Variants in CDH4 observed in about 807,000 individuals in gnomAD.
CDH4 encodes the protein cadherin 4, also known as cadherin-4.
Under a neutral mutation model 86.0 loss-of-function variants are expected in CDH4, and 33 were observed. The observed-to-expected ratio is 0.38, with a 90% CI of 0.29 to 0.51. The LOEUF is 0.51. CDH4 is among the 20% of genes least tolerant of loss of function. The pLI, the probability that CDH4 is intolerant of heterozygous loss-of-function variation, is 0.86. For synonymous variants in CDH4, 555 were observed against 549.4 expected, an observed-to-expected ratio of 1.01 and a Z score of -0.14; for missense variants, 1,114 against 1,307.4, an observed-to-expected ratio of 0.85 and a Z score of 2.28.
intron 4 of CDH4, among the ~76,000 whole-genome samples, chr20:61,825,508 G>A (rs1018725042): frequency 2.0e-5 from 3 of 152,158 alleles, no homozygotes; most frequent in Non-Finnish European, 4.4e-5. Flanking sequence ...GAGCCCTGAC[G>A]AAGGACAAGG....
chr20:61,594,337 G>A (rs1001191537), intron 2 of CDH4, among the ~76,000 whole-genome samples: 1 of 152,056 alleles, frequency 6.6e-6, no homozygotes, highest in South Asian at 2.1e-4. Context: ...CTGACGCCCA[G>A]AGACAGGCCA....
chr20:61,283,542 C>T (rs1303894526), intron 2 of CDH4, among the ~76,000 whole-genome samples: 30 of 116,446 alleles, frequency 2.6e-4, no homozygotes, highest in African/African-American at 7.2e-4. Context: ...CATTTACACG[C>T]GTGTGCTGTG....
Position 61,755,811 on chromosome 20 carries a change from C to T in CDH4, c.396+12022C>T, listed in dbSNP as rs565113930. On this transcript the variant is annotated intron_variant, in intron 3 of 15. Transcript: ENST00000614565. Reference sequence around the variant, plus strand: ...CACACACACCACACATTTACACGTACGCACATTCCACACAGTACACACGTG... The same window carrying T: ...CACACACACCACACATTTACACGTATGCACATTCCACACAGTACACACGTG... Among the ~76,000 whole-genome samples, 164 of 152,292 alleles carry T rather than the reference C, an allele frequency of 1.1e-3. 1 individual carries two copies. The highest frequency in any genetic ancestry group is 3.4e-3 in the African/African-American group (143 of 41,554).
At chr20:61,315,315 G>A (rs1042001921) in intron 2 of CDH4, among the ~76,000 whole-genome samples, 5 of 152,172 alleles carry the variant, frequency 3.3e-5, no homozygotes, top group African/African-American at 1.2e-4. Context: ...CCAGACCGAT[G>A]CCTGGTATCC....
chr20:61,727,708 A>C (rs1050468073), intron 2 of CDH4, among the ~76,000 whole-genome samples: 1 of 152,130 alleles, frequency 6.6e-6, no homozygotes, highest in African/African-American at 2.4e-5. Flanking sequence ...GGAGAGTTGG[A>C]GGTGCCAGGC....
chr20:61,300,541 C>T (rs1452844952), intron 2 of CDH4, among the ~76,000 whole-genome samples: 1 of 152,144 alleles, frequency 6.6e-6, no homozygotes, highest in East Asian at 1.9e-4. Flanking sequence ...GTCTGCCCTG[C>T]CGGGCTCTCT....
At chr20:61,685,768 C>T (rs1052253452) in intron 2 of CDH4, among the ~76,000 whole-genome samples, 6 of 152,350 alleles carry the variant, frequency 3.9e-5, no homozygotes, top group African/African-American at 1.2e-4. Context: ...CCAGTCCTCA[C>T]GGGGCTACCC....
chr20:61,447,225 C>T (rs2085355955), intron 2 of CDH4, among the ~76,000 whole-genome samples: 1 of 152,160 alleles, frequency 6.6e-6, no homozygotes, highest in Admixed American at 6.5e-5. Flanking sequence ...GGTGCGATCT[C>T]AGCTCACTGC....
chr20:61,884,577 C>T (rs1486336268), intron 7 of CDH4, among the ~76,000 whole-genome samples: 2 of 152,080 alleles, frequency 1.3e-5, no homozygotes, highest in Non-Finnish European at 1.5e-5. Flanking sequence ...TGGGGGCACC[C>T]AGCGAGGGGC....
At chr20:61,757,940 G>A (rs78770067) in intron 3 of CDH4, among the ~76,000 whole-genome samples, 13,468 of 152,218 alleles carry the variant, frequency 0.088, 677 homozygotes, top group African/African-American at 0.1. Context: ...GTTCACTCCA[G>A]GAGTGATGCT....
intron 2 of CDH4, among the ~76,000 whole-genome samples, chr20:61,660,543 T>C (rs6061704): frequency 0.84 from 127,250 of 152,164 alleles, 53,700 homozygotes; most frequent in African/African-American, 0.96. Flanking sequence ...CTGTTACATG[T>C]GGGTGCGCCT....
intron 2 of CDH4, among the ~76,000 whole-genome samples, chr20:61,403,100 T>C (rs1428057397): frequency 6.6e-6 from 1 of 152,202 alleles, no homozygotes; most frequent in African/African-American, 2.4e-5. Flanking sequence ...CATTCTCCCT[T>C]TCTCCTTTTT....
intron 6 of CDH4, among the ~76,000 whole-genome samples, chr20:61,865,135 G>C (rs1178446733): frequency 1.6e-4 from 24 of 150,630 alleles, no homozygotes; most frequent in African/African-American, 5.8e-4. Flanking sequence ...AGCTCTGCCA[G>C]GTACCCCTCC....
At chr20:61,772,218 T>C (rs2088783141) in intron 3 of CDH4, among the ~76,000 whole-genome samples, 1 of 152,212 alleles carries the variant, frequency 6.6e-6, no homozygotes, top group African/African-American at 2.4e-5. Flanking sequence ...ACATGAGCTT[T>C]TGTACATACA....
At chr20:61,854,199 G>A (rs1355146069) in intron 6 of CDH4, among the ~76,000 whole-genome samples, 2 of 152,168 alleles carry the variant, frequency 1.3e-5, no homozygotes, top group Non-Finnish European at 2.9e-5. Flanking sequence ...GGAGCCCAGA[G>A]CCAGGGCCAG....
chr20:61,792,638 C>CTGTGTGTGTGTGTGTGTGTGTGTGTGTG (rs139135636), intron 4 of CDH4, among the ~76,000 whole-genome samples: 16 of 150,776 alleles, frequency 1.1e-4, no homozygotes, highest in African/African-American at 3.9e-4. Flanking sequence ...TTAGATGATG[C>CTGTGTGTGTGTGTGTGTGTGTGTGTGTG]TGTGTGTGTG....
chr20:61,914,088 T>C (rs950498834), intron 9 of CDH4, among the ~76,000 whole-genome samples: 6 of 152,178 alleles, frequency 3.9e-5, no homozygotes, highest in Non-Finnish European at 8.8e-5. Context: ...CCACCACCTG[T>C]GCCTCCTGCC....
chr20:61,562,052 C>T, intron 2 of CDH4, among the ~76,000 whole-genome samples: 1 of 141,430 alleles, frequency 7.1e-6, no homozygotes, highest in East Asian at 2.2e-4. Context: ...AGGTGGACCC[C>T]AGGGCTCCCG....
chr20:61,795,052 G>T (rs372967671), intron 4 of CDH4, among the ~76,000 whole-genome samples: 2 of 44,566 alleles, frequency 4.5e-5, no homozygotes, highest in African/African-American at 7.7e-5. Flanking sequence ...TTTATGATGA[G>T]GATGATGATG....
Sources: allele counts gnomAD v4.1 joint callset (sites outside exome capture counted in the v4.1 genomes callset), GRCh38; gene constraint gnomAD v4.1.1; transcripts MANE v1.5; gene names NCBI Gene and HGNC (gene_info 2026-07-23, HGNC 2026-07-21).